Variants in TLN2 observed in about 807,000 individuals in gnomAD.
TLN2 encodes the protein talin-2.
Under a neutral mutation model 294.7 loss-of-function variants are expected in TLN2, and 118 were observed. That is an observed-to-expected ratio of 0.40 (90% CI 0.34 to 0.47). The LOEUF is 0.47. Among genes scored for constraint, TLN2 ranks in the 20% least tolerant of loss-of-function variants. The pLI is 0.84. For missense variants in TLN2, 3,083 were observed against 3,282.2 expected, an observed-to-expected ratio of 0.94 and a Z score of 1.48; for synonymous variants, 1,431 against 1,304.5, an observed-to-expected ratio of 1.10 and a Z score of -2.09.
At chr15:62,662,603 G>A (rs1437681387) in intron 9 of TLN2, among the ~76,000 whole-genome samples, 1 of 152,120 alleles carries the variant, frequency 6.6e-6, no homozygotes, top group Non-Finnish European at 1.5e-5. Flanking sequence ...CAAATAATTT[G>A]TTGAGTGCCT....
intron 43 of TLN2, among the ~76,000 whole-genome samples, chr15:62,779,985 C>A (rs560979308): frequency 6.2e-4 from 94 of 152,332 alleles, no homozygotes; most frequent in South Asian, 1.7e-3. Flanking sequence ...GACCACTTGG[C>A]CCCAATCTCA....
chr15:62,595,853 T>G (rs182396469), intron 2 of TLN2, among the ~76,000 whole-genome samples: 189 of 152,308 alleles, frequency 1.2e-3, no homozygotes, highest in African/African-American at 4.3e-3. Flanking sequence ...CTAAAAAATT[T>G]GAACTCAGAA....
At chr15:62,711,119 C>G (rs1460466503) in intron 21 of TLN2, among the ~76,000 whole-genome samples, 1 of 152,142 alleles carries the variant, frequency 6.6e-6, no homozygotes, top group African/African-American at 2.4e-5. Context: ...CTTCTTCCCC[C>G]TTTTTGTTAT....
At chr15:62,459,709 G>C (rs537255627) in intron 1 of TLN2, among the ~76,000 whole-genome samples, 1 of 152,276 alleles carries the variant, frequency 6.6e-6, no homozygotes, top group South Asian at 2.1e-4. Context: ...CTTAGTAGGT[G>C]TCCTGGGGCA....
At chr15:62,456,394 G>A (rs957491264) in intron 1 of TLN2, among the ~76,000 whole-genome samples, 1 of 152,184 alleles carries the variant, frequency 6.6e-6, no homozygotes, top group Admixed American at 6.5e-5. Context: ...GCTCTTGAGT[G>A]AGTCCTCCCC....
chr15:62,461,279 C>G (rs1431794243), intron 1 of TLN2, among the ~76,000 whole-genome samples: 1 of 152,134 alleles, frequency 6.6e-6, no homozygotes, highest in Non-Finnish European at 1.5e-5. Context: ...GTAAATGGAC[C>G]TGCCCAGTGT....
At chr15:62,397,117 G>T (rs1421483264) in intron 1 of TLN2, among the ~76,000 whole-genome samples, 1 of 152,148 alleles carries the variant, frequency 6.6e-6, no homozygotes, top group Non-Finnish European at 1.5e-5. Flanking sequence ...TACGATCTCT[G>T]GCTTAGCTGG....
chr15:62,796,160 A>T lies in TLN2; in HGVS notation c.5917A>T (p.Asn1973Tyr). ...GGTGCTCTCGGCTCTCCAGGCCGGG[A>T]ACAAAGGAACCCAGGCATGCATTAC... ...SLVLSALQAGNKGTQACITAA... is the reference protein window; with the variant it reads ...SLVLSALQAGYKGTQACITAA... The change falls in exon 47 of 59, where the codon AAC (asparagine) becomes TAC (tyrosine). Residue 1973 changes from asparagine (N) to tyrosine (Y), a missense_variant. By Grantham distance (143) the Asn-to-Tyr change is moderately radical. Transcript: ENST00000636159. 6.2e-7 allele frequency: 1 copy of T among 1,614,198 alleles called. No individual in the cohort carries two copies. The highest frequency in any genetic ancestry group is 8.5e-7 in the Non-Finnish European group (1 of 1,180,034).
chr15:62,613,105 T>C (rs2048047497), intron 2 of TLN2, among the ~76,000 whole-genome samples: 1 of 152,206 alleles, frequency 6.6e-6, no homozygotes, highest in East Asian at 1.9e-4. Context: ...GGGTAATTTA[T>C]TTGTCCTCAG....
intron 26 of TLN2, among the ~76,000 whole-genome samples, chr15:62,723,214 A>G (rs910271788): frequency 1.3e-5 from 2 of 152,256 alleles, no homozygotes; most frequent in African/African-American, 4.8e-5. Context: ...AGAATGCTAC[A>G]CTGCCAAATA....
chr15:62,654,535 C>T (rs987358824), intron 7 of TLN2, among the ~76,000 whole-genome samples: 15 of 151,902 alleles, frequency 9.9e-5, no homozygotes, highest in African/African-American at 3.4e-4. Context: ...GGGTGGATCA[C>T]TTGAGGTCAG....
At chr15:62,818,630 G>C (rs1173615971) in intron 52 of TLN2, among the ~76,000 whole-genome samples, 1 of 152,188 alleles carries the variant, frequency 6.6e-6, no homozygotes, top group Admixed American at 6.5e-5. Context: ...CAAATCCTCA[G>C]GACTTCTCCC....
intron 2 of TLN2, among the ~76,000 whole-genome samples, chr15:62,593,629 C>T (rs1567159949): frequency 6.6e-6 from 1 of 152,156 alleles, no homozygotes; most frequent in Non-Finnish European, 1.5e-5. Flanking sequence ...GAGTATTTTT[C>T]TATAGAACTT....
At chr15:62,729,255 G>A (rs1456594861) in intron 28 of TLN2, among the ~76,000 whole-genome samples, 6 of 152,166 alleles carry the variant, frequency 3.9e-5, no homozygotes, top group Admixed American at 3.9e-4. Context: ...TTTATACTAA[G>A]TCTTAATGTT....
intron 2 of TLN2, among the ~76,000 whole-genome samples, chr15:62,598,126 G>C (rs933446482): frequency 6.6e-6 from 1 of 152,182 alleles, no homozygotes; most frequent in Non-Finnish European, 1.5e-5. Flanking sequence ...TTGAAGCCTG[G>C]TGTCTCTTGA....
At chr15:62,799,147 T>G (rs1596037911) in intron 48 of TLN2, among the ~76,000 whole-genome samples, 4 of 152,306 alleles carry the variant, frequency 2.6e-5, no homozygotes, top group Admixed American at 2.6e-4. Context: ...TGGCGCAGTG[T>G]GGAGGTTAAG....
chr15:62,769,954 T>C (rs1252561448), intron 41 of TLN2, among the ~76,000 whole-genome samples: 1 of 152,142 alleles, frequency 6.6e-6, no homozygotes, highest in Non-Finnish European at 1.5e-5. Context: ...TATAGCAAAA[T>C]GTTAAGATCT....
At chr15:62,459,299 C>CT (rs35344244) in intron 1 of TLN2, among the ~76,000 whole-genome samples, 5,992 of 130,432 alleles carry the variant, frequency 0.046, 198 homozygotes, top group African/African-American at 0.096. Flanking sequence ...CACGCTCGGC[C>CT]TTTTTTTTTT....
At chr15:62,746,779 C>A (rs892818337) in intron 32 of TLN2, among the ~76,000 whole-genome samples, 3 of 152,190 alleles carry the variant, frequency 2.0e-5, no homozygotes, top group African/African-American at 7.2e-5. Context: ...CTGCCAGAAG[C>A]GTGGACCAGT....
Sources: allele counts gnomAD v4.1 joint callset (sites outside exome capture counted in the v4.1 genomes callset), GRCh38; gene constraint gnomAD v4.1.1; transcripts MANE v1.5; gene names NCBI Gene and HGNC (gene_info 2026-07-23, HGNC 2026-07-21).